The following GRID1 variants were observed in gnomAD, a reference collection of about 807,000 sequenced individuals.
GRID1 encodes glutamate ionotropic receptor delta type subunit 1, also known as glutamate receptor ionotropic, delta-1.
Under a neutral mutation model 98.0 loss-of-function variants are expected in GRID1, and 28 were observed. The observed-to-expected ratio is 0.29, with a 90% CI of 0.21 to 0.39. The LOEUF (loss-of-function observed/expected upper bound fraction) is 0.39. GRID1 is among the 10% of genes least tolerant of loss of function. The probability of loss-of-function intolerance (pLI) is 1.00; values close to 1 mark genes in which losing one functional copy is unlikely to be tolerated. For synonymous variants in GRID1, 553 were observed against 538.5 expected, an observed-to-expected ratio of 1.03 and a Z score of -0.37; for missense variants, 1,111 against 1,340.5, an observed-to-expected ratio of 0.83 and a Z score of 2.67.
chr10:85,834,990 A>G (rs1034682066), intron 8 of GRID1, among the ~76,000 whole-genome samples: 14 of 152,252 alleles, frequency 9.2e-5, no homozygotes, highest in Non-Finnish European at 2.1e-4. Flanking sequence ...GTTAATGTCA[A>G]AAAATTCAAA....
intron 2 of GRID1, among the ~76,000 whole-genome samples, chr10:86,207,628 CTTTTTTTTTT>C (rs71016123): frequency 0.021 from 2,221 of 106,246 alleles, 30 homozygotes; most frequent in Non-Finnish European, 0.031. Context: ...GATGCAGTTT[CTTTTTTTTTT>C]TTTTTTTTTT....
chr10:86,132,219 G>A (rs934731951), intron 4 of GRID1, among the ~76,000 whole-genome samples: 3 of 152,106 alleles, frequency 2.0e-5, no homozygotes, highest in Admixed American at 6.5e-5. Context: ...AGATGAGCAG[G>A]ATGGTGGGGA....
intron 2 of GRID1, among the ~76,000 whole-genome samples, chr10:86,229,949 C>T (rs1366709510): frequency 6.6e-6 from 1 of 152,226 alleles, no homozygotes; most frequent in African/African-American, 2.4e-5. Context: ...TCTGCCTCAC[C>T]TTGGGATCCC....
chr10:85,625,437 G>C (rs117365146), intron 13 of GRID1, among the ~76,000 whole-genome samples: 110 of 152,258 alleles, frequency 7.2e-4, no homozygotes, highest in African/African-American at 2.4e-3. Flanking sequence ...TTCATTCTCC[G>C]CTTTTCCTAA....
intron 13 of GRID1, among the ~76,000 whole-genome samples, chr10:85,629,397 T>A (rs1842949788): frequency 6.6e-6 from 1 of 151,712 alleles, no homozygotes; most frequent in Non-Finnish European, 1.5e-5. Flanking sequence ...CTCCCACCTT[T>A]CCAAGTCTCT....
intron 2 of GRID1, among the ~76,000 whole-genome samples, chr10:86,255,543 GGCTCTGT>G (rs1163639607): frequency 6.6e-6 from 1 of 152,212 alleles, no homozygotes; most frequent in Admixed American, 6.5e-5. Flanking sequence ...CATCTGGCTA[GGCTCTGT>G]GCACCTGTGG....
chr10:86,235,013 C>A (rs1846515769), intron 2 of GRID1, among the ~76,000 whole-genome samples: 1 of 152,216 alleles, frequency 6.6e-6, no homozygotes, highest in Admixed American at 6.5e-5. Context: ...CACGGACGTG[C>A]ATGCAGATAG....
chr10:85,821,976 C>A (rs1300560498), intron 8 of GRID1, among the ~76,000 whole-genome samples: 1 of 152,174 alleles, frequency 6.6e-6, no homozygotes, highest in Non-Finnish European at 1.5e-5. Context: ...GGAACACTGG[C>A]TAGCCATAAG....
intron 4 of GRID1, among the ~76,000 whole-genome samples, chr10:86,034,836 G>C (rs1843233751): frequency 6.6e-6 from 1 of 152,064 alleles, no homozygotes; most frequent in Admixed American, 6.6e-5. Flanking sequence ...CTGATGAATG[G>C]ATGCAATGAA....
chr10:85,628,515 T>C (rs1189445507), intron 13 of GRID1, among the ~76,000 whole-genome samples: 1 of 152,098 alleles, frequency 6.6e-6, no homozygotes. Flanking sequence ...TCAGAAAAAG[T>C]GGACCTTCAG....
At chr10:85,826,250 G>T (rs536363496) in intron 8 of GRID1, among the ~76,000 whole-genome samples, 3 of 152,158 alleles carry the variant, frequency 2.0e-5, no homozygotes, top group Non-Finnish European at 4.4e-5. Context: ...CAGGAGAATC[G>T]CTTGAACCCT....
At chr10:85,802,457 G>C (rs913710312) in intron 8 of GRID1, among the ~76,000 whole-genome samples, 2 of 151,990 alleles carry the variant, frequency 1.3e-5, no homozygotes, top group African/African-American at 4.8e-5. Context: ...TAGAAAACAG[G>C]AGGCATGATA....
chr10:85,915,367 T>A (rs1297101573), intron 5 of GRID1, among the ~76,000 whole-genome samples: 5 of 151,894 alleles, frequency 3.3e-5, no homozygotes, highest in Admixed American at 2.6e-4. Context: ...CATACATACA[T>A]ACACACTCAC....
intron 4 of GRID1, among the ~76,000 whole-genome samples, chr10:85,971,728 T>C (rs1209174800): frequency 1.3e-5 from 2 of 152,106 alleles, no homozygotes; most frequent in Non-Finnish European, 2.9e-5. Context: ...TCTGAAACTT[T>C]CATACAGTTC....
At chr10:86,293,427 G>A (rs528364017) in intron 2 of GRID1, among the ~76,000 whole-genome samples, 8 of 152,276 alleles carry the variant, frequency 5.3e-5, no homozygotes, top group South Asian at 4.1e-4. Flanking sequence ...ACTTCCTAGC[G>A]CCAGCAATGC....
In GRID1 at chr10:85,875,726, T is replaced by C. The variant is rs1273214778; in HGVS notation, c.781-6546A>G. ...AGTATTTTTACTCTCTTCTTTAATG[T>C]TTACTTCCAATCACCATTATCCCAA... is the stretch of plus-strand genomic sequence containing the variant. On this transcript the variant is annotated intron_variant, in intron 5 of 15. Transcript: ENST00000327946. Among the ~76,000 whole-genome samples, 4 of 152,218 alleles carry C rather than the reference T, an allele frequency of 2.6e-5. No individual in the cohort carries two copies. The East Asian group carries it at 7.7e-4, about 29-fold the overall frequency.
At chr10:86,214,201 C>T (rs1846144561) in intron 2 of GRID1, among the ~76,000 whole-genome samples, 1 of 152,184 alleles carries the variant, frequency 6.6e-6, no homozygotes, top group South Asian at 2.1e-4. Flanking sequence ...CTAATGGGAC[C>T]CACAGGCCCA....
intron 3 of GRID1, among the ~76,000 whole-genome samples, chr10:86,201,894 C>T (rs1033187814): frequency 7.2e-5 from 11 of 152,128 alleles, no homozygotes; most frequent in Non-Finnish European, 1.5e-4. Flanking sequence ...GTGTTTAAGT[C>T]CCTCTGTAGG....
At chr10:86,257,583 TC>T (rs956568395) in intron 2 of GRID1, among the ~76,000 whole-genome samples, 2 of 152,134 alleles carry the variant, frequency 1.3e-5, no homozygotes, top group Non-Finnish European at 1.5e-5. Flanking sequence ...ATTCATGATA[TC>T]ATACCCTAGA....
Sources: allele counts gnomAD v4.1 joint callset (sites outside exome capture counted in the v4.1 genomes callset), GRCh38; gene constraint gnomAD v4.1.1; transcripts MANE v1.5; gene names NCBI Gene and HGNC (gene_info 2026-07-23, HGNC 2026-07-21).